Variants in DDX19B observed in about 807,000 individuals in gnomAD.
DDX19B encodes the protein ATP-dependent RNA helicase DDX19B.
DDX19B carries 27 observed loss-of-function variants against 58.1 expected under a neutral mutation model. The observed-to-expected ratio is 0.46, with a 90% CI of 0.34 to 0.64. The LOEUF is 0.64. Among genes scored for constraint, DDX19B ranks in the 30% least tolerant of loss-of-function variants. The probability of loss-of-function intolerance (pLI) is 0.01; values close to 1 mark genes in which losing one functional copy is unlikely to be tolerated. For missense variants in DDX19B, 399 were observed against 596.5 expected, an observed-to-expected ratio of 0.67 and a Z score of 3.45; for synonymous variants, 187 against 214.4, an observed-to-expected ratio of 0.87 and a Z score of 1.12.
At chr16:70,305,120 G>A (rs561444059) in intron 1 of DDX19B, among the ~76,000 whole-genome samples, 2 of 152,318 alleles carry the variant, frequency 1.3e-5, no homozygotes, top group African/African-American at 4.8e-5. Context: ...AAACACATGA[G>A]TGGGGCTTGT....
upstream of DDX19B, among the ~76,000 whole-genome samples, chr16:70,291,869 C>T (rs1001932409): frequency 6.6e-6 from 1 of 151,920 alleles, no homozygotes; most frequent in African/African-American, 2.4e-5. Context: ...AGATTGTAGG[C>T]CAGCACAGAG....
intron 7 of DDX19B, among the ~76,000 whole-genome samples, chr16:70,326,861 G>A (rs1206272026): frequency 6.6e-6 from 1 of 150,998 alleles, no homozygotes; most frequent in Non-Finnish European, 1.5e-5. Flanking sequence ...TTGAGAGAGA[G>A]TCTCGCCCTG....
At chr16:70,310,547 G>GA (rs796580224) in intron 1 of DDX19B, among the ~76,000 whole-genome samples, 2 of 151,090 alleles carry the variant, frequency 1.3e-5, no homozygotes, top group South Asian at 4.2e-4. Context: ...CTCGTCTGCA[G>GA]AAAAAAAAGA....
At chr16:70,307,134 T>G (rs1019949092) in intron 1 of DDX19B, among the ~76,000 whole-genome samples, 17 of 152,228 alleles carry the variant, frequency 1.1e-4, no homozygotes, top group Non-Finnish European at 2.5e-4. Context: ...TCTGGACATT[T>G]GGATTATTTC....
chr16:70,312,291 C>T (rs955070089), intron 1 of DDX19B, among the ~76,000 whole-genome samples: 2 of 152,078 alleles, frequency 1.3e-5, no homozygotes, highest in East Asian at 3.9e-4. Flanking sequence ...GAGAGAATGA[C>T]AACTCTAATG....
intron 5 of DDX19B, among the ~76,000 whole-genome samples, chr16:70,322,049 T>A (rs1180451399): frequency 8.4e-6 from 1 of 118,996 alleles, no homozygotes; most frequent in Admixed American, 8.4e-5. Flanking sequence ...AAAAAAAAAA[T>A]TAATAATAAA....
intron 5 of DDX19B, 71 bp downstream of exon 5, chr16:70,317,659 G>T: frequency 7.1e-7 from 1 of 1,417,888 alleles, no homozygotes; most frequent in Non-Finnish European, 9.8e-7. Context: ...ATTTTCACAG[G>T]CCAGCAAGGT....
intron 1 of DDX19B, among the ~76,000 whole-genome samples, chr16:70,304,459 A>G (rs57623576): frequency 0.077 from 10,678 of 138,010 alleles, 1,268 homozygotes; most frequent in African/African-American, 0.27. Context: ...TGCAACCTCC[A>G]CCTCCCAGGT....
At chr16:70,290,441 C>A (rs1322246042), upstream of DDX19B, among the ~76,000 whole-genome samples, 1 of 152,130 alleles carries the variant, frequency 6.6e-6, no homozygotes, top group African/African-American at 2.4e-5. Context: ...GCAAGGGAAT[C>A]CCTTGACCTC....
At chr16:70,329,506 C>T (rs934145762) in intron 8 of DDX19B, 37 bp downstream of exon 8, 8 of 1,611,238 alleles carry the variant, frequency 5.0e-6, no homozygotes, top group African/African-American at 1.3e-5. Context: ...CTCAGATTCC[C>T]CATCTGCAGT....
chr16:70,302,883 C>T (rs1373641213), intron 1 of DDX19B, among the ~76,000 whole-genome samples: 3 of 152,156 alleles, frequency 2.0e-5, no homozygotes, highest in Non-Finnish European at 2.9e-5. Context: ...TCAACTGCCC[C>T]ACACCCTTCC....
intron 1 of DDX19B, among the ~76,000 whole-genome samples, chr16:70,307,677 G>GTGTGTGTGTGTGTGTGTATGTATATA: frequency 7.0e-6 from 1 of 142,368 alleles, no homozygotes; most frequent in Non-Finnish European, 1.5e-5. Flanking sequence ...GTATATATAT[G>GTGTGTGTGTGTGTGTGTATGTATATA]TGTGTGTGTG....
chr16:70,317,144 G>T (rs1268833168), intron 4 of DDX19B: 1 of 155,806 alleles, frequency 6.4e-6, no homozygotes, highest in African/African-American at 2.5e-5. Flanking sequence ...GGAGACGGAG[G>T]TTGCAGTGAG....
In DDX19B at chr16:70,325,708, C is replaced by T. The variant is rs539650364; in HGVS notation, c.607+20C>T. ...ATAAATGTGAGTATGTGAATTTGGTCCTAAATCATCAACCTAATTCTTTTT... is the reference window on the plus strand; with the variant it reads ...ATAAATGTGAGTATGTGAATTTGGTTCTAAATCATCAACCTAATTCTTTTT... On this transcript the variant is annotated intron_variant, in intron 7 of 11. Coordinates refer to ENST00000288071, the MANE Select transcript of DDX19B (RefSeq NM_007242.7). The T allele has an allele frequency of 1.3e-6, 2 of 1,527,198 alleles. No individual in the cohort carries two copies. The highest frequency in any genetic ancestry group is 2.3e-5 in the South Asian group (2 of 88,314). The allele number at this position is 1,527,198 out of a possible 1,614,324, so 94.6% of individuals were successfully genotyped here.
At position 70,312,464 on chromosome 16, in the gene DDX19B, G is replaced by A. The variant is rs1962142284; in HGVS notation, c.58-145G>A. 1.5e-5 allele frequency: 11 copies of A among 717,222 alleles called. No homozygotes were observed. The Admixed American group carries it at 1.9e-4, about 12-fold the overall frequency. 44.4% of individuals were successfully genotyped at this position (717,222 alleles called of 1,614,324 possible). ...TATTCTCATCAGACATTTAGTAAACGGAACAACCCAATGAATTGGTCCTAA... is the reference window on the plus strand; with the variant it reads ...TATTCTCATCAGACATTTAGTAAACAGAACAACCCAATGAATTGGTCCTAA... On this transcript the variant is annotated intron_variant, in intron 1 of 11. Coordinates refer to ENST00000288071, the MANE Select transcript of DDX19B (RefSeq NM_007242.7).
chr16:70,305,931 T>G (rs1003588284), intron 1 of DDX19B, among the ~76,000 whole-genome samples: 3 of 151,898 alleles, frequency 2.0e-5, no homozygotes, highest in African/African-American at 7.3e-5. Context: ...CAGCTAATTT[T>G]TTTGTATTTT....
chr16:70,330,882 A>C (rs2152214787), intron 9 of DDX19B, among the ~76,000 whole-genome samples: 1 of 151,928 alleles, frequency 6.6e-6, no homozygotes, highest in East Asian at 1.9e-4. Context: ...CCATCTCTAC[A>C]AAAATTTTAA....
chr16:70,324,462 C>T, intron 5 of DDX19B, 123 bp from the exon 6 acceptor site: 1 of 705,338 alleles, frequency 1.4e-6, no homozygotes, highest in Non-Finnish European at 2.4e-6. Context: ...GTGAAGCTAG[C>T]ATATGTAACT....
rs1409642370 is a variant in DDX19B, at chr16:70,331,166, C to T, written c.1024-556C>T. On this transcript the variant is annotated intron_variant, in intron 9 of 11. Coordinates refer to ENST00000288071, the MANE Select transcript of DDX19B (RefSeq NM_007242.7). ...GTCATAGCTCACTGCAGCCTTGGCT[C>T]TTGTTACTAGGGCTACAGGTATGTG... Among the ~76,000 whole-genome samples, 5 of 152,132 alleles carry T rather than the reference C, an allele frequency of 3.3e-5. No individual in the cohort carries two copies. The South Asian group carries it at 1.0e-3, about 31-fold the overall frequency.
Sources: allele counts gnomAD v4.1 joint callset (sites outside exome capture counted in the v4.1 genomes callset), GRCh38; gene constraint gnomAD v4.1.1; transcripts MANE v1.5; gene names NCBI Gene and HGNC (gene_info 2026-07-23, HGNC 2026-07-21).